Variants in ATXN7L1 observed in about 807,000 individuals in gnomAD.
ATXN7L1 encodes the protein ataxin 7 like 1, also known as ataxin-7-like protein 1.
Under a neutral mutation model 70.8 loss-of-function variants are expected in ATXN7L1, and 15 were observed. The ratio of observed to expected loss-of-function variants is 0.21; its 90% CI spans 0.14 to 0.33. ATXN7L1 has a LOEUF of 0.33. ATXN7L1 is among the 10% of genes least tolerant of loss of function. The pLI, the probability that ATXN7L1 is intolerant of heterozygous loss-of-function variation, is 1.00. For missense variants in ATXN7L1, 975 were observed against 1,097.1 expected, an observed-to-expected ratio of 0.89 and a Z score of 1.57; for synonymous variants, 440 against 445.1, an observed-to-expected ratio of 0.99 and a Z score of 0.14.
chr7:105,838,294 G>A (rs1189736155), intron 2 of ATXN7L1, among the ~76,000 whole-genome samples: 1 of 152,148 alleles, frequency 6.6e-6, no homozygotes, highest in African/African-American at 2.4e-5. Context: ...GCCAGGAGCC[G>A]AAGACACTCG....
chr7:105,621,042 C>T (rs1396509312), intron 8 of ATXN7L1, among the ~76,000 whole-genome samples: 1 of 152,120 alleles, frequency 6.6e-6, no homozygotes, highest in Admixed American at 6.6e-5. Context: ...TGCTGGTGTC[C>T]CAGGTCCCAC....
At chr7:105,721,540 CT>C (rs1795184743) in intron 3 of ATXN7L1, among the ~76,000 whole-genome samples, 1 of 152,210 alleles carries the variant, frequency 6.6e-6, no homozygotes, top group African/African-American at 2.4e-5. Flanking sequence ...ACAGCCACGC[CT>C]GAGGCTTTGC....
At chr7:105,623,946 G>T (rs1795299915) in intron 8 of ATXN7L1, 129 bp downstream of exon 8, 3 of 815,930 alleles carry the variant, frequency 3.7e-6, no homozygotes, top group Non-Finnish European at 5.0e-6. Flanking sequence ...TCAAACTCAT[G>T]GTAAGCCTTT....
chr7:105,792,287 T>G (rs952268369), intron 2 of ATXN7L1, among the ~76,000 whole-genome samples: 2 of 152,126 alleles, frequency 1.3e-5, no homozygotes, highest in Non-Finnish European at 2.9e-5. Flanking sequence ...CTGTGGAAAG[T>G]GAGAGGACCT....
intron 2 of ATXN7L1, among the ~76,000 whole-genome samples, chr7:105,870,053 G>A (rs989455264): frequency 2.6e-5 from 4 of 152,112 alleles, no homozygotes; most frequent in Admixed American, 6.5e-5. Flanking sequence ...AGGCCGAGGC[G>A]GGCGGATCAC....
intron 3 of ATXN7L1, among the ~76,000 whole-genome samples, chr7:105,739,735 C>G (rs1797796806): frequency 6.6e-6 from 1 of 152,224 alleles, no homozygotes; most frequent in African/African-American, 2.4e-5. Context: ...ATTCCCAGCA[C>G]TGGGCCTGAG....
chr7:105,874,051 G>T (rs1185848901), intron 2 of ATXN7L1, among the ~76,000 whole-genome samples: 1 of 151,464 alleles, frequency 6.6e-6, no homozygotes, highest in Non-Finnish European at 1.5e-5. Flanking sequence ...CTTGAACCCG[G>T]GAGGCGGAGG....
In ATXN7L1 at chr7:105,618,219, C is replaced by T. The variant is rs570117394; in HGVS notation, c.1517+1981G>A. On this transcript the variant is annotated intron_variant, in intron 9 of 11. Coordinates refer to ENST00000419735, the MANE Select transcript of ATXN7L1 (RefSeq NM_020725.2). ...CCATAACACAGGGAGCAAAGAGCTG[C>T]GAGGATCACCAGGGCTGGCTGCCGT... The T allele has an allele frequency of 9.2e-5, 33 of 360,064 alleles. No individual in the cohort carries two copies. In the East Asian group the frequency reaches 1.6e-3, roughly 17 times the overall value. 22.3% of individuals were successfully genotyped at this position (360,064 alleles called of 1,614,324 possible). A position where few individuals can be genotyped will look rare whatever the true frequency, so the allele number is the denominator to read the frequency against.
chr7:105,672,264 C>T (rs567380392), intron 3 of ATXN7L1, among the ~76,000 whole-genome samples: 19 of 152,016 alleles, frequency 1.2e-4, no homozygotes, highest in African/African-American at 3.4e-4. Context: ...CCAGTCTCGG[C>T]GACAGAGTGA....
intron 3 of ATXN7L1, among the ~76,000 whole-genome samples, chr7:105,690,751 C>A (rs553382676): frequency 6.6e-6 from 1 of 152,124 alleles, no homozygotes; most frequent in Non-Finnish European, 1.5e-5. Context: ...GCTCAAGGTA[C>A]GATATCAAGG....
chr7:105,787,302 G>C (rs1323942227), intron 3 of ATXN7L1, among the ~76,000 whole-genome samples: 1 of 152,140 alleles, frequency 6.6e-6, no homozygotes. Context: ...GTAGCCCGAG[G>C]ACACAGTGCT....
intron 3 of ATXN7L1, among the ~76,000 whole-genome samples, chr7:105,688,541 T>G (rs1790283852): frequency 6.7e-6 from 1 of 149,238 alleles, no homozygotes. Flanking sequence ...CAAGACCCTG[T>G]GTCAATTAAA....
intron 2 of ATXN7L1, among the ~76,000 whole-genome samples, chr7:105,864,997 G>A (rs1308249032): frequency 2.0e-5 from 3 of 152,128 alleles, no homozygotes; most frequent in Non-Finnish European, 4.4e-5. Flanking sequence ...TCTTTATTCG[G>A]GGCATCCTTA....
chr7:105,633,508 A>C (rs1706917), intron 7 of ATXN7L1, among the ~76,000 whole-genome samples: 122,710 of 151,988 alleles, frequency 0.81, 50,139 homozygotes, highest in Middle Eastern at 0.88. Context: ...ACCTGAGGTC[A>C]GGAGTTTGAG....
intron 3 of ATXN7L1, among the ~76,000 whole-genome samples, chr7:105,767,496 T>G (rs1341900957): frequency 2.6e-5 from 4 of 152,238 alleles, no homozygotes; most frequent in African/African-American, 9.6e-5. Context: ...CCAGTCCAGC[T>G]TGTTTCTTCT....
chr7:105,852,240 C>T (rs765645628), intron 2 of ATXN7L1, among the ~76,000 whole-genome samples: 13 of 152,178 alleles, frequency 8.5e-5, no homozygotes, highest in Non-Finnish European at 1.8e-4. Flanking sequence ...CTCCCCTCAT[C>T]TCACAGATGG....
chr7:105,841,312 T>C (rs2116610551), intron 2 of ATXN7L1, among the ~76,000 whole-genome samples: 1 of 152,338 alleles, frequency 6.6e-6, no homozygotes, highest in Admixed American at 6.5e-5. Flanking sequence ...GTACTCTGTT[T>C]CCTTGTGCCT....
At chr7:105,829,954 C>A (rs1464424086) in intron 2 of ATXN7L1, among the ~76,000 whole-genome samples, 2 of 152,176 alleles carry the variant, frequency 1.3e-5, no homozygotes, top group Non-Finnish European at 1.5e-5. Flanking sequence ...TCAAAGCTTA[C>A]CCTTTGGGGG....
intron 11 of ATXN7L1, 78 bp from the exon 12 acceptor site, chr7:105,607,968 T>C: frequency 7.7e-7 from 1 of 1,306,132 alleles, no homozygotes; most frequent in Non-Finnish European, 1.1e-6. Flanking sequence ...GATGGAGACT[T>C]AGTTTTCTCA....
Sources: allele counts gnomAD v4.1 joint callset (sites outside exome capture counted in the v4.1 genomes callset), GRCh38; gene constraint gnomAD v4.1.1; transcripts MANE v1.5; gene names NCBI Gene and HGNC (gene_info 2026-07-23, HGNC 2026-07-21).